PLS1: variants seen among roughly 807,000 people sequenced by gnomAD.
The protein encoded by PLS1 is plastin 1.
A neutral mutation model predicts 73.7 loss-of-function variants in PLS1; 32 were observed. That is an observed-to-expected ratio of 0.43 (90% confidence interval 0.33 to 0.58). PLS1 has a LOEUF of 0.58. Ranked by LOEUF, PLS1 falls within the 20% of genes least tolerant of loss-of-function variation. The probability of loss-of-function intolerance (pLI) is 0.04; values close to 1 mark genes in which losing one functional copy is unlikely to be tolerated. For synonymous variants in PLS1, 217 were observed against 261.3 expected (o/e 0.83, Z 1.63); for missense variants, 633 against 740.5 (o/e 0.85, Z 1.68).
chr3:142,614,412 G>A (rs2036178106), intron 1 of PLS1, among the ~76,000 whole-genome samples: 1 of 152,174 alleles, frequency 6.6e-6, no homozygotes, highest in South Asian at 2.1e-4. Flanking sequence ...GGAATCACAA[G>A]GCCTGTGCCA....
At chr3:142,708,403 C>T (rs1036025125) in intron 14 of PLS1, among the ~76,000 whole-genome samples, 2 of 152,214 alleles carry the variant, frequency 1.3e-5, no homozygotes, top group African/African-American at 2.4e-5. Context: ...CCCGCCATCA[C>T]GCCCAATTAA....
At chr3:142,679,994 C>T (rs2037814504) in intron 6 of PLS1, among the ~76,000 whole-genome samples, 1 of 152,012 alleles carries the variant, frequency 6.6e-6, no homozygotes. Context: ...CTTCACATCC[C>T]TTGTAAGTTG....
chr3:142,653,220 T>C (rs1194418804), intron 1 of PLS1, among the ~76,000 whole-genome samples: 2 of 152,208 alleles, frequency 1.3e-5, no homozygotes, highest in African/African-American at 4.8e-5. Context: ...TCTTTGGTCT[T>C]TGTCTTTCTC....
chr3:142,678,461 C>T (rs2107868825), intron 6 of PLS1, among the ~76,000 whole-genome samples: 1 of 138,762 alleles, frequency 7.2e-6, no homozygotes, highest in African/African-American at 2.7e-5. Context: ...TGTGATGTTC[C>T]CCTTCCTGTG....
At chr3:142,622,919 T>C (rs2036343070) in intron 1 of PLS1, among the ~76,000 whole-genome samples, 1 of 152,208 alleles carries the variant, frequency 6.6e-6, no homozygotes, top group Non-Finnish European at 1.5e-5. Context: ...TTCTTCATGA[T>C]TTTTTACATG....
chr3:142,687,798 T>C (rs962404561), intron 9 of PLS1, among the ~76,000 whole-genome samples: 1 of 152,092 alleles, frequency 6.6e-6, no homozygotes, highest in Non-Finnish European at 1.5e-5. Flanking sequence ...CCACAATACC[T>C]TATCATACCT....
rs1192558171 is a variant in PLS1 at position 142,672,770 on chromosome 3, A to C, written c.364+1648A>C. Among the ~76,000 whole-genome samples, 4 of 152,210 alleles carry C rather than the reference A, an allele frequency of 2.6e-5. No homozygotes were observed. The South Asian group carries it at 8.3e-4, about 32-fold the overall frequency. On this transcript the variant is annotated intron_variant, in intron 4 of 15. Coordinates refer to ENST00000457734, the MANE Select transcript of PLS1 (RefSeq NM_001145319.2). Reference sequence around the variant, plus strand: ...TTTATAAAAAATAGCAGCTTTATTGAGATATAATTGACATACCATGGAATA... The same window carrying C: ...TTTATAAAAAATAGCAGCTTTATTGCGATATAATTGACATACCATGGAATA...
intron 1 of PLS1, among the ~76,000 whole-genome samples, chr3:142,601,391 TAAAATA>T (rs1418746244): frequency 6.6e-6 from 1 of 152,124 alleles, no homozygotes; most frequent in African/African-American, 2.4e-5. Context: ...ATATCTTTCT[TAAAATA>T]ATAATAGTAA....
chr3:142,636,227 G>A (rs1478535496), intron 1 of PLS1, among the ~76,000 whole-genome samples: 3 of 152,138 alleles, frequency 2.0e-5, no homozygotes, highest in Non-Finnish European at 4.4e-5. Context: ...GTAATTAACA[G>A]TGTTGTATTT....
chr3:142,686,049 C>G (rs1271535886), intron 8 of PLS1, among the ~76,000 whole-genome samples: 1 of 152,080 alleles, frequency 6.6e-6, no homozygotes, highest in African/African-American at 2.4e-5. Context: ...GGGAGGGTAT[C>G]CAGGTGCAGG....
intron 1 of PLS1, among the ~76,000 whole-genome samples, chr3:142,630,075 A>G (rs1198798615): frequency 6.6e-6 from 1 of 152,180 alleles, no homozygotes; most frequent in Non-Finnish European, 1.5e-5. Flanking sequence ...TCCAAGAATA[A>G]AGATCAAGAA....
chr3:142,672,196 T>C (rs1488051986), intron 4 of PLS1, among the ~76,000 whole-genome samples: 13 of 152,168 alleles, frequency 8.5e-5, no homozygotes, highest in Admixed American at 8.5e-4. Context: ...TGGAATCTTT[T>C]CATCACCTGA....
intron 8 of PLS1, among the ~76,000 whole-genome samples, chr3:142,685,297 C>T (rs1485031771): frequency 1.3e-5 from 2 of 152,236 alleles, no homozygotes; most frequent in African/African-American, 4.8e-5. Flanking sequence ...GATGCAAAGA[C>T]TCAGCTCTTG....
In PLS1 at chr3:142,684,518, T is replaced by C. The variant is rs2107891624; in HGVS notation, c.888+123T>C. On this transcript the variant is annotated intron_variant, in intron 8 of 15. Coordinates refer to ENST00000457734, the MANE Select transcript of PLS1 (RefSeq NM_001145319.2). ...ACACTTGGGATAGAAAATGAAAATT[T>C]GCATTACTGTGTGAAGTAGATCCCC... 1.1e-5 allele frequency: 8 copies of C among 746,600 alleles called. No homozygotes were observed. In the East Asian group the frequency reaches 1.6e-4, roughly 15 times the overall value. The allele number at this position is 746,600 out of a possible 1,614,324, so 46.2% of individuals were successfully genotyped here. A position where few individuals can be genotyped will look rare whatever the true frequency, so the allele number is the denominator to read the frequency against.
Position 142,625,856 on chromosome 3 carries a change from C to T in PLS1, c.-37+29347C>T, listed in dbSNP as rs113513708. Among the ~76,000 whole-genome samples, 1,395 of 152,140 alleles carry T rather than the reference C, an allele frequency of 9.2e-3. 24 individuals are homozygous for T. The highest frequency in any genetic ancestry group is 0.031 in the African/African-American group (1,288 of 41,510). Reference sequence around the variant, plus strand: ...GGGTGTTGTGGCATACGCCTGTAGTCCCAGCTACTTGGGAGGCTGAGGCAG... The same window carrying T: ...GGGTGTTGTGGCATACGCCTGTAGTTCCAGCTACTTGGGAGGCTGAGGCAG... On this transcript the variant is annotated intron_variant, in intron 1 of 15. Coordinates refer to ENST00000457734, the MANE Select transcript of PLS1 (RefSeq NM_001145319.2).
intron 1 of PLS1, among the ~76,000 whole-genome samples, chr3:142,630,783 C>T (rs912978785): frequency 7.2e-5 from 11 of 151,766 alleles, no homozygotes; most frequent in Admixed American, 2.0e-4. Context: ...CTCAAGCAAC[C>T]TTGAATATCC....
At chr3:142,620,194 G>A (rs977212454) in intron 1 of PLS1, among the ~76,000 whole-genome samples, 4 of 151,426 alleles carry the variant, frequency 2.6e-5, no homozygotes, top group Non-Finnish European at 4.4e-5. Flanking sequence ...GCACGATCTC[G>A]GCTCACTGCA....
intron 1 of PLS1, among the ~76,000 whole-genome samples, chr3:142,610,121 G>A (rs183064267): frequency 5.3e-5 from 8 of 152,200 alleles, no homozygotes; most frequent in African/African-American, 1.4e-4. Flanking sequence ...CATCCGCCTC[G>A]GCCTCCCACA....
chr3:142,678,237 CT>C lies in PLS1; in HGVS notation c.579+134del, dbSNP rs376338369. Reference sequence around the variant, plus strand: ...TTGTAATGCTATTCTCCTATAAAAACTTTTTTTTTTGGAATCCTTTTTTTTA... The same window carrying C: ...TTGTAATGCTATTCTCCTATAAAAACTTTTTTTTTGGAATCCTTTTTTTTA... On this transcript the variant is annotated intron_variant, in intron 6 of 15. Transcript: ENST00000457734. The C allele has an allele frequency of 0.014, 4,955 of 349,494 alleles. 86 individuals are homozygous for C. Among genetic ancestry groups the C allele is most frequent in the African/African-American group, 0.063 (2,886 of 45,530 alleles). 21.6% of individuals were successfully genotyped at this position (349,494 alleles called of 1,614,324 possible).
Sources: gnomAD v4.1 joint callset for allele counts (sites outside exome capture counted in the v4.1 genomes callset) on GRCh38, gnomAD v4.1.1 for gene constraint, MANE v1.5 for transcripts, NCBI Gene and HGNC (gene_info 2026-07-23, HGNC 2026-07-21) for gene names.